Variants in ALS2CL observed in about 807,000 individuals in gnomAD.
The protein encoded by ALS2CL is ALS2 C-terminal-like protein.
ALS2CL carries 112 observed loss-of-function variants against 127.9 expected under a neutral mutation model. The ratio of observed to expected loss-of-function variants is 0.88; its 90% CI spans 0.75 to 1.02. The LOEUF (loss-of-function observed/expected upper bound fraction) is 1.02. ALS2CL is among the 50% of genes least tolerant of loss of function. The pLI, the probability that ALS2CL is intolerant of heterozygous loss-of-function variation, is 0.00. For synonymous variants in ALS2CL, 519 were observed against 527.6 expected, an observed-to-expected ratio of 0.98 and a Z score of 0.22; for missense variants, 1,174 against 1,236.7, an observed-to-expected ratio of 0.95 and a Z score of 0.76.
At position 46,673,342 on chromosome 3, in the gene ALS2CL, A is replaced by T. The variant is rs1698561509; in HGVS notation, c.2469T>A (p.Asn823Lys). The T allele has an allele frequency of 5.1e-6, 8 of 1,564,788 alleles. No homozygotes were observed. The highest frequency in any genetic ancestry group is 6.9e-6 in the Non-Finnish European group (8 of 1,154,416). ...WPLKDLTLTS[N>K]QRYSLVRDKC... ...GGGGCTCTGGCCTCCCTCTCACCTG[A>T]TTGCTCGTCAGCGTGAGGTCCTTGA... Residue 823 changes from asparagine to lysine, a missense_variant, in exon 22 of 26, where the codon AAT (asparagine) becomes AAA (lysine). Physicochemically the swap from Asn to Lys is moderately conservative, Grantham distance 94. Coordinates refer to ENST00000318962, the MANE Select transcript of ALS2CL (RefSeq NM_147129.5).
At chr3:46,682,441 C>A (rs1332154195) in intron 10 of ALS2CL, among the ~76,000 whole-genome samples, 1 of 152,208 alleles carries the variant, frequency 6.6e-6, no homozygotes, top group Non-Finnish European at 1.5e-5. Context: ...CCACCCTCCT[C>A]CCCACTTCTG....
In ALS2CL at chr3:46,683,288, C is replaced by G; in HGVS notation, c.951G>C (p.Gln317His). The change falls in exon 10 of 26, where the codon CAG (glutamine) becomes CAC (histidine). Residue 317 changes from glutamine to histidine, a missense_variant. Gln to His is a conservative substitution (Grantham distance 24, BLOSUM62 0). Transcript: ENST00000318962. The part of the protein sequence containing the change: ...WQWKVTWAVH[Q>H]ALHGKKDFPV... ...GGAAGTCCTTCTTCCCATGCAGGGC[C>G]TGGTGAACAGCCCAGGTCACCTTCC... 1 of 1,601,780 alleles carries G rather than the reference C, an allele frequency of 6.2e-7. No individual in the cohort carries two copies. Among genetic ancestry groups the G allele is most frequent in the South Asian group, 1.1e-5 (1 of 89,412 alleles).
In ALS2CL at chr3:46,678,264, G is replaced by C. The variant is rs1481022717; in HGVS notation, c.1752C>G (p.Cys584Trp). ...AALPPDPSST[C>W]KRQLGVGAFP... Reference sequence around the variant, plus strand: ...CAGAGGGGCCAGGCACTCACCTCTTGCAGGTACTGCTCGGGTCTGGTGGGA... The same window carrying C: ...CAGAGGGGCCAGGCACTCACCTCTTCCAGGTACTGCTCGGGTCTGGTGGGA... The change falls in exon 16 of 26, where the codon TGC (cysteine) becomes TGG (tryptophan). Residue 584 changes from cysteine (C) to tryptophan (W), a missense_variant. Transcript: ENST00000318962. 1.3e-6 allele frequency: 2 copies of C among 1,590,478 alleles called. No individual in the cohort carries two copies. Among genetic ancestry groups the C allele is most frequent in the African/African-American group, 1.3e-5 (1 of 74,682 alleles).
rs1699036291 is a variant in ALS2CL at position 46,678,303 on chromosome 3, C to A, written c.1713G>T (p.Leu571=). Residue 571 remains leucine (L), a synonymous_variant, in exon 16 of 26, where the codon CTG becomes CTT. Coordinates refer to ENST00000318962, the MANE Select transcript of ALS2CL (RefSeq NM_147129.5). ...GGTCTGGTGGGAGGGCAGCCGTGTCCAGCACACCCTGTGTGTGCAGTCCTC... is the reference window on the plus strand; with the variant it reads ...GGTCTGGTGGGAGGGCAGCCGTGTCAAGCACACCCTGTGTGTGCAGTCCTC... ...AGRGLHTQGV[L]DTAALPPDPS... The A allele has an allele frequency of 2.5e-6, 4 of 1,609,718 alleles. No individual in the cohort carries two copies. The highest frequency in any genetic ancestry group is 3.4e-6 in the Non-Finnish European group (4 of 1,176,986).
chr3:46,689,404 C>G lies in ALS2CL; in HGVS notation c.37G>C (p.Glu13Gln). 1 of 1,612,102 alleles carries G rather than the reference C, an allele frequency of 6.2e-7. No individual in the cohort carries two copies. The highest frequency in any genetic ancestry group is 8.5e-7 in the Non-Finnish European group (1 of 1,179,648). Residue 13 changes from glutamate (E) to glutamine (Q), a missense_variant, in exon 2 of 26, where the codon GAG (glutamate) becomes CAG (glutamine). Glu to Gln is a conservative substitution (Grantham distance 29, BLOSUM62 2). Coordinates refer to ENST00000318962, the MANE Select transcript of ALS2CL (RefSeq NM_147129.5). ...NPEEAALLRL[E>Q]EVFSATLAHV... is the part of the protein sequence containing the mutation. The stretch of plus-strand genomic sequence containing the variant: ...GCGAGGGTGGCTGAGAAGACCTCCT[C>G]CAGCCGCAGCAGAGCTGCCTCCTCA...
intron 16 of ALS2CL, 123 bp downstream of exon 16, chr3:46,678,136 G>A (rs1025350898): frequency 9.8e-6 from 11 of 1,127,582 alleles, no homozygotes; most frequent in African/African-American, 8.0e-5. Context: ...CTGGGCTCTC[G>A]GAACTCTCTA....
chr3:46,675,959 T>G (rs1698778530), intron 19 of ALS2CL: 1 of 1,422,364 alleles, frequency 7.0e-7, no homozygotes, highest in Non-Finnish European at 9.2e-7. Flanking sequence ...GTGTTCCGAG[T>G]CCAGGGCCAA....
intron 4 of ALS2CL, among the ~76,000 whole-genome samples, 199 bp from the exon 5 acceptor site, chr3:46,687,347 C>T (rs1451488356): frequency 2.0e-5 from 3 of 152,246 alleles, no homozygotes; most frequent in African/African-American, 7.2e-5. Context: ...GAAGGGATTG[C>T]TGATCACAAC....
intron 1 of ALS2CL, among the ~76,000 whole-genome samples, chr3:46,689,694 G>A (rs1483389048): frequency 1.3e-5 from 2 of 152,244 alleles, no homozygotes; most frequent in African/African-American, 4.8e-5. Context: ...GCTCAGAGCT[G>A]CCAAGGGAAG....
chr3:46,683,241 TCCAGGCCAG>T lies in ALS2CL; in HGVS notation c.989_997del (p.Ala330_Leu332del). On this transcript the variant is annotated inframe_deletion, in exon 10 of 26. Coordinates refer to ENST00000318962, the MANE Select transcript of ALS2CL (RefSeq NM_147129.5). ...GCGGCAGTCGGGAGGCTGGGAGGGC[TCCAGGCCAG>T]CCCCCAGCACGGGGAAGTCCTTCTT... The T allele has an allele frequency of 6.2e-7, 1 of 1,610,828 alleles. No homozygotes were observed. Among genetic ancestry groups the T allele is most frequent in the African/African-American group, 1.3e-5 (1 of 74,932 alleles).
intron 22 of ALS2CL, among the ~76,000 whole-genome samples, chr3:46,672,762 A>C (rs1698504798): frequency 6.6e-6 from 1 of 152,200 alleles, no homozygotes; most frequent in Admixed American, 6.5e-5. Context: ...TAGGAGGCGA[A>C]GGCAAGCAGA....
chr3:46,676,584 T>C, intron 18 of ALS2CL, 58 bp downstream of exon 18: 1 of 1,586,340 alleles, frequency 6.3e-7, no homozygotes, highest in Non-Finnish European at 8.6e-7. Flanking sequence ...ATGGGAGCCC[T>C]TCCCCACCAG....
intron 1 of ALS2CL, among the ~76,000 whole-genome samples, chr3:46,693,338 G>C (rs986942462): frequency 6.6e-6 from 1 of 152,208 alleles, no homozygotes; most frequent in African/African-American, 2.4e-5. Flanking sequence ...GCCCTAACCA[G>C]CCGGCGTCAC....
At chr3:46,671,762 T>G in intron 24 of ALS2CL, 122 bp downstream of exon 24, 1 of 1,527,130 alleles carries the variant, frequency 6.5e-7, no homozygotes. Flanking sequence ...GGCCTTGGCT[T>G]CCCCATCTGT....
Position 46,681,250 on chromosome 3 carries a change from CA to C in ALS2CL, c.1431del (p.Asp478ThrfsTer60). ...TGGTGGCTGCAGGGCGCTCACCTGT[CA>C]CCATCCTCCTCAATGCCATAGCCGC... ...QRSGYGIEED[G>X]DRGERYIGMW... On this transcript the variant is annotated frameshift_variant, in exon 13 of 26. Coordinates refer to ENST00000318962, the MANE Select transcript of ALS2CL (RefSeq NM_147129.5). LOFTEE classifies it high-confidence loss of function. The surrounding 1 kb of genome is among the most constrained non-coding windows in gnomAD (Gnocchi z 4.9). 1 of 1,613,868 alleles carries C rather than the reference CA, an allele frequency of 6.2e-7. No individual in the cohort carries two copies. The highest frequency in any genetic ancestry group is 8.5e-7 in the Non-Finnish European group (1 of 1,179,988).
intron 1 of ALS2CL, among the ~76,000 whole-genome samples, chr3:46,689,774 T>C (rs546663124): frequency 6.6e-6 from 1 of 152,336 alleles, no homozygotes; most frequent in African/African-American, 2.4e-5. Flanking sequence ...TCTGCTCAAA[T>C]ATCCACCATG....
Position 46,687,088 on chromosome 3 carries a change from C to A in ALS2CL, c.429G>T (p.Glu143Asp). 1 of 1,590,484 alleles carries A rather than the reference C, an allele frequency of 6.3e-7. No individual in the cohort carries two copies. The highest frequency in any genetic ancestry group is 8.5e-7 in the Non-Finnish European group (1 of 1,175,400). Residue 143 changes from glutamate to aspartate, a missense_variant, in exon 5 of 26, where the codon GAG (glutamate) becomes GAT (aspartate). Coordinates refer to ENST00000318962, the MANE Select transcript of ALS2CL (RefSeq NM_147129.5). ...GGCCCAGCGATGCGCCCACCGAGCC[C>A]TCTGAGCTCACACCTGAAAGCAGCT... Reference protein sequence around the residue: ...LRQLLSGVSSEGSVGASLGQA... With the variant: ...LRQLLSGVSSDGSVGASLGQA...
Position 46,686,538 on chromosome 3 carries a change from G to A in ALS2CL, c.535-99C>T. ...GGTGGGGAGGCCTGAATCTAGGCCA[G>A]ACCTTGCCCTTCTCTCCCTGACAGC... is the stretch of plus-strand genomic sequence containing the variant. On this transcript the variant is annotated intron_variant, in intron 5 of 25. Coordinates refer to ENST00000318962, the MANE Select transcript of ALS2CL (RefSeq NM_147129.5). The surrounding 1 kb of genome is among the most constrained non-coding windows in gnomAD (Gnocchi z 4.3). The A allele has an allele frequency of 1.4e-6, 2 of 1,470,390 alleles. No individual in the cohort carries two copies. Among genetic ancestry groups the A allele is most frequent in the Non-Finnish European group, 1.8e-6 (2 of 1,094,744 alleles). 91.1% of individuals were successfully genotyped at this position (1,470,390 alleles called of 1,614,324 possible). A position where few individuals can be genotyped will look rare whatever the true frequency, so the allele number is the denominator to read the frequency against.
At chr3:46,680,566 A>AGG (rs1699237496) in intron 13 of ALS2CL, 25 bp from the exon 14 acceptor site, 1 of 1,603,494 alleles carries the variant, frequency 6.2e-7, no homozygotes, top group Admixed American at 1.7e-5. Context: ...ATGTGGCCAG[A>AGG]GTTGGATCAG....
Sources: gnomAD v4.1 joint callset for allele counts (sites outside exome capture counted in the v4.1 genomes callset) on GRCh38, gnomAD v4.1.1 for gene constraint, Gnocchi (gnomAD v3.1) non-coding constraint, MANE v1.5 for transcripts, NCBI Gene and HGNC (gene_info 2026-07-23, HGNC 2026-07-21) for gene names.